Variants in CNTNAP2 observed in about 807,000 individuals in gnomAD.
CNTNAP2 encodes the protein contactin-associated protein-like 2.
CNTNAP2 carries 98 observed loss-of-function variants against 155.2 expected under a neutral mutation model. The observed-to-expected ratio is 0.63, with a 90% CI of 0.54 to 0.75. CNTNAP2 has a LOEUF of 0.75. CNTNAP2 is among the 30% of genes least tolerant of loss of function. The pLI, the probability that CNTNAP2 is intolerant of heterozygous loss-of-function variation, is 0.00. For missense variants in CNTNAP2, 1,727 were observed against 1,688.1 expected, an observed-to-expected ratio of 1.02 and a Z score of -0.40; for synonymous variants, 651 against 631.2, an observed-to-expected ratio of 1.03 and a Z score of -0.47.
At chr7:147,080,411 T>G (rs1800098615) in intron 4 of CNTNAP2, among the ~76,000 whole-genome samples, 1 of 152,086 alleles carries the variant, frequency 6.6e-6, no homozygotes, top group Non-Finnish European at 1.5e-5. Context: ...GTGTATAGCA[T>G]GAACTTAATA....
At chr7:147,907,292 G>A (rs533141076) in intron 14 of CNTNAP2, among the ~76,000 whole-genome samples, 2 of 152,082 alleles carry the variant, frequency 1.3e-5, no homozygotes, top group Admixed American at 6.6e-5. Context: ...TCCTGACCTC[G>A]TGATCTGCCC....
intron 17 of CNTNAP2, among the ~76,000 whole-genome samples, chr7:148,161,589 A>G (rs1805542729): frequency 6.6e-6 from 1 of 151,992 alleles, no homozygotes; most frequent in Non-Finnish European, 1.5e-5. Context: ...TCCCACCTAG[A>G]CAGGGGACAG....
intron 1 of CNTNAP2, among the ~76,000 whole-genome samples, chr7:146,715,484 T>A (rs1354206996): frequency 6.7e-6 from 1 of 149,758 alleles, no homozygotes; most frequent in African/African-American, 2.5e-5. Flanking sequence ...GATATTCATC[T>A]TTTCAGGACC....
chr7:146,931,962 A>C (rs928654920), intron 3 of CNTNAP2, among the ~76,000 whole-genome samples: 1 of 151,812 alleles, frequency 6.6e-6, no homozygotes, highest in African/African-American at 2.4e-5. Flanking sequence ...ACCAACCAAA[A>C]AGAGTCCAGG....
chr7:147,646,773 T>C (rs1795371301), intron 13 of CNTNAP2, among the ~76,000 whole-genome samples: 1 of 152,122 alleles, frequency 6.6e-6, no homozygotes, highest in Non-Finnish European at 1.5e-5. Context: ...CCAAAGCAAG[T>C]CACATGTTTT....
At chr7:146,392,087 A>G (rs991032432) in intron 1 of CNTNAP2, among the ~76,000 whole-genome samples, 2 of 152,182 alleles carry the variant, frequency 1.3e-5, no homozygotes, top group African/African-American at 2.4e-5. Flanking sequence ...TAATGGTTAA[A>G]TGCTTGTGTG....
rs1388234159 is a variant in CNTNAP2 at position 148,147,708 on chromosome 7, G to T, written c.2772G>T (p.Val924=). 1.1e-5 allele frequency: 18 copies of T among 1,613,076 alleles called. No homozygotes were observed. The highest frequency in any genetic ancestry group is 1.4e-5 in the Non-Finnish European group (17 of 1,179,948). Residue 924 remains valine, a splice_region_variant and synonymous_variant, in exon 17 of 24, where the codon GTG becomes GTT. Transcript: ENST00000361727. ...TGGAGCTCTACAGCCAGTTATTTGT[G>T]GGTAAGTAATGGAAAGGTAACCATG... ...TRLELYSQLF[V]GGAGGQQGFL...
intron 13 of CNTNAP2, among the ~76,000 whole-genome samples, chr7:147,744,524 A>T (rs1403872888): frequency 1.3e-5 from 2 of 152,230 alleles, no homozygotes; most frequent in African/African-American, 4.8e-5. Context: ...TCAGAGGACA[A>T]GTTTAGTTCT....
At position 146,622,956 on chromosome 7, in the gene CNTNAP2, CAAAAAAA is replaced by C. The variant is rs1285951271; in HGVS notation, c.98-151309_98-151303del. ...TGGACAACAGAGCGAGACTCCATCT[CAAAAAAA>C]AAAAAGAAAAAAGAAAAAAGAAAAA... On this transcript the variant is annotated intron_variant, in intron 1 of 23. Coordinates refer to ENST00000361727, the MANE Select transcript of CNTNAP2 (RefSeq NM_014141.6). Among the ~76,000 whole-genome samples, 15 of 83,202 alleles carry C rather than the reference CAAAAAAA, an allele frequency of 1.8e-4. No individual in the cohort carries two copies. The East Asian group carries it at 2.4e-3, about 13-fold the overall frequency. The allele number at this position is 83,202 out of a possible 152,430, so 54.6% of individuals were successfully genotyped here. A position where few individuals can be genotyped will look rare whatever the true frequency, so the allele number is the denominator to read the frequency against.
intron 13 of CNTNAP2, among the ~76,000 whole-genome samples, chr7:147,824,716 C>T (rs1798420818): frequency 6.8e-6 from 1 of 146,350 alleles, no homozygotes; most frequent in Admixed American, 6.9e-5. Flanking sequence ...CAAAAAAACC[C>T]TCTTTTACCA....
intron 1 of CNTNAP2, among the ~76,000 whole-genome samples, chr7:146,701,906 A>G (rs1377989469): frequency 6.6e-6 from 1 of 152,188 alleles, no homozygotes; most frequent in Admixed American, 6.6e-5. Context: ...TTGTGATTCA[A>G]TTAGAAAAGT....
At chr7:146,539,520 A>C (rs2129140793) in intron 1 of CNTNAP2, among the ~76,000 whole-genome samples, 1 of 151,696 alleles carries the variant, frequency 6.6e-6, no homozygotes, top group Non-Finnish European at 1.5e-5. Context: ...AGAGACATAA[A>C]GCTACGGTAG....
At chr7:146,398,251 A>G (rs1400962370) in intron 1 of CNTNAP2, among the ~76,000 whole-genome samples, 1 of 147,186 alleles carries the variant, frequency 6.8e-6, no homozygotes, top group Non-Finnish European at 1.5e-5. Context: ...TAATTTGTAA[A>G]GGAAAGAAGT....
At chr7:147,971,002 A>G (rs1429811428) in intron 14 of CNTNAP2, among the ~76,000 whole-genome samples, 2 of 152,202 alleles carry the variant, frequency 1.3e-5, no homozygotes, top group Non-Finnish European at 2.9e-5. Flanking sequence ...AATCATGGGT[A>G]TCTAAGAAAG....
intron 1 of CNTNAP2, among the ~76,000 whole-genome samples, chr7:146,266,961 T>C (rs73740407): frequency 0.033 from 5,036 of 151,160 alleles, 281 homozygotes; most frequent in African/African-American, 0.11. Flanking sequence ...TTGAACACAG[T>C]GTGAAGTCAT....
intron 1 of CNTNAP2, among the ~76,000 whole-genome samples, chr7:146,149,126 C>A (rs1797997524): frequency 6.6e-6 from 1 of 151,864 alleles, no homozygotes; most frequent in South Asian, 2.1e-4. Flanking sequence ...CACATGTATA[C>A]ATATGTAACA....
intron 10 of CNTNAP2, among the ~76,000 whole-genome samples, chr7:147,407,550 T>C (rs1797030939): frequency 6.8e-6 from 1 of 146,554 alleles, no homozygotes; most frequent in Admixed American, 6.9e-5. Flanking sequence ...ATAGTTATTA[T>C]AGGACACTTG....
chr7:148,253,073 A>ATAGATAGATAGT (rs1169388154), intron 20 of CNTNAP2, among the ~76,000 whole-genome samples: 60 of 152,148 alleles, frequency 3.9e-4, no homozygotes, highest in African/African-American at 1.3e-3. Context: ...AGATAGATAG[A>ATAGATAGATAGT]TATTGATTGA....
At chr7:146,327,062 A>G (rs1801109913) in intron 1 of CNTNAP2, among the ~76,000 whole-genome samples, 1 of 152,194 alleles carries the variant, frequency 6.6e-6, no homozygotes, top group South Asian at 2.1e-4. Context: ...GTAAAATCTG[A>G]CATGGTAATA....
Sources: gnomAD v4.1 joint callset for allele counts (sites outside exome capture counted in the v4.1 genomes callset) on GRCh38, gnomAD v4.1.1 for gene constraint, MANE v1.5 for transcripts, NCBI Gene and HGNC (gene_info 2026-07-23, HGNC 2026-07-21) for gene names.